Variants in SHANK2 observed in about 807,000 individuals in gnomAD.
The protein encoded by SHANK2 is SH3 and multiple ankyrin repeat domains protein 2.
Under a neutral mutation model 133.7 loss-of-function variants are expected in SHANK2, and 43 were observed. The observed-to-expected ratio is 0.32, with a 90% CI of 0.25 to 0.41. SHANK2 has a LOEUF of 0.41. SHANK2 is among the 10% of genes least tolerant of loss of function. The pLI is 1.00. For synonymous variants in SHANK2, 1,017 were observed against 952.8 expected, an observed-to-expected ratio of 1.07 and a Z score of -1.24; for missense variants, 1,994 against 2,235.8, an observed-to-expected ratio of 0.89 and a Z score of 2.18.
intron 14 of SHANK2, among the ~76,000 whole-genome samples, chr11:70,733,326 T>C (rs1404663226): frequency 6.6e-6 from 1 of 152,172 alleles, no homozygotes; most frequent in Non-Finnish European, 1.5e-5. Context: ...AGCAAGGAGT[T>C]GATTCATATT....
intron 17 of SHANK2, among the ~76,000 whole-genome samples, chr11:70,655,683 T>A (rs781989619): frequency 2.0e-5 from 3 of 152,110 alleles, no homozygotes; most frequent in Admixed American, 1.3e-4. Context: ...GAAACAACAT[T>A]TAGGTTGTCA....
intron 15 of SHANK2, among the ~76,000 whole-genome samples, chr11:70,696,995 T>C (rs550426347): frequency 3.4e-4 from 52 of 152,180 alleles, no homozygotes; most frequent in Non-Finnish European, 6.3e-4. Flanking sequence ...TTACGCTCAG[T>C]GAAAGAAGCC....
At chr11:70,650,219 T>C (rs921253968) in intron 17 of SHANK2, among the ~76,000 whole-genome samples, 4 of 152,186 alleles carry the variant, frequency 2.6e-5, no homozygotes, top group Non-Finnish European at 5.9e-5. Context: ...TGGCAGGACA[T>C]AGCAGATGCT....
At chr11:70,841,993 C>T (rs916103450) in intron 11 of SHANK2, among the ~76,000 whole-genome samples, 1 of 152,146 alleles carries the variant, frequency 6.6e-6, no homozygotes, top group Non-Finnish European at 1.5e-5. Flanking sequence ...TGGGACCTAA[C>T]TGCCCTTCTC....
Position 70,487,185 on chromosome 11 carries a change from C to T in SHANK2, c.3108G>A (p.Val1036=), listed in dbSNP as rs782203974. 2 of 1,613,566 alleles carry T rather than the reference C, an allele frequency of 1.2e-6. No homozygotes were observed. The highest frequency in any genetic ancestry group is 1.7e-5 in the Admixed American group (1 of 60,010). ...CGCTGCTGCTGGTGGACGGCTCCTT[C>T]ACGATGATGGTCGGGATAGGGATGG... ...TCSIPIPTII[V]KEPSTSSSGK... The change falls in exon 25 of 26, where the codon GTG becomes GTA. Residue 1036 remains valine (V), a synonymous_variant. Coordinates refer to ENST00000601538, the MANE Select transcript of SHANK2 (RefSeq NM_012309.5). This position sits in a 1 kb window ranked among gnomAD's most constrained non-coding sequence, Gnocchi z 5.8.
intron 10 of SHANK2, among the ~76,000 whole-genome samples, chr11:70,937,088 C>A (rs548833487): frequency 6.6e-6 from 1 of 152,294 alleles, no homozygotes; most frequent in South Asian, 2.1e-4. Context: ...CCCCAGTCCT[C>A]TGCGTGGAGT....
At chr11:70,549,277 C>A (rs1554977225) in intron 17 of SHANK2, among the ~76,000 whole-genome samples, 2 of 152,206 alleles carry the variant, frequency 1.3e-5, no homozygotes, top group East Asian at 3.9e-4. Flanking sequence ...GGATTCCACG[C>A]CGACTGAGCC....
At chr11:70,523,941 C>T (rs1342465788) in intron 17 of SHANK2, among the ~76,000 whole-genome samples, 2 of 152,162 alleles carry the variant, frequency 1.3e-5, no homozygotes, top group Non-Finnish European at 2.9e-5. Flanking sequence ...GGCTTCAAGG[C>T]CCCTGTCAGG....
chr11:71,129,859 C>T (rs1303423715), intron 3 of SHANK2, among the ~76,000 whole-genome samples: 5 of 152,294 alleles, frequency 3.3e-5, no homozygotes, highest in Non-Finnish European at 7.4e-5. Flanking sequence ...TGTGGCAAAG[C>T]ACCACAAAAC....
intron 17 of SHANK2, among the ~76,000 whole-genome samples, chr11:70,621,661 C>T (rs1348080797): frequency 2.0e-5 from 3 of 152,152 alleles, no homozygotes; most frequent in East Asian, 1.9e-4. Context: ...GATACGGTAG[C>T]CCCAGCCATG....
At chr11:70,730,416 A>AC (rs1440396192) in intron 14 of SHANK2, among the ~76,000 whole-genome samples, 1 of 151,382 alleles carries the variant, frequency 6.6e-6, no homozygotes, top group Non-Finnish European at 1.5e-5. Flanking sequence ...CCCAGGACTC[A>AC]CCCCCGAAGC....
intron 14 of SHANK2, among the ~76,000 whole-genome samples, chr11:70,764,544 C>T (rs1947076130): frequency 6.6e-6 from 1 of 150,790 alleles, no homozygotes; most frequent in South Asian, 2.1e-4. Context: ...CATCCACCCA[C>T]CCATCCATCC....
intron 11 of SHANK2, among the ~76,000 whole-genome samples, chr11:70,889,989 G>A (rs1441124850): frequency 1.3e-5 from 2 of 152,164 alleles, no homozygotes; most frequent in African/African-American, 4.8e-5. Flanking sequence ...CGGGTGTGGT[G>A]TGTGCTCCCA....
chr11:70,654,763 G>GTC (rs1555011081), intron 17 of SHANK2, among the ~76,000 whole-genome samples: 33 of 135,556 alleles, frequency 2.4e-4, no homozygotes, highest in African/African-American at 8.5e-4. Context: ...TTTTGTTTTT[G>GTC]TTTTTTTTGT....
chr11:71,123,645 G>A (rs1299549392), intron 3 of SHANK2, among the ~76,000 whole-genome samples: 3 of 152,196 alleles, frequency 2.0e-5, no homozygotes, highest in Non-Finnish European at 4.4e-5. Context: ...TCTCCTTGAG[G>A]AGAACAGTAT....
chr11:70,844,497 C>T (rs1199225127), intron 11 of SHANK2, among the ~76,000 whole-genome samples: 6 of 152,276 alleles, frequency 3.9e-5, no homozygotes, highest in Non-Finnish European at 7.3e-5. Flanking sequence ...GGTTTGGGGC[C>T]GCAGTGGAGG....
chr11:70,515,935 T>C (rs902841427), intron 17 of SHANK2, among the ~76,000 whole-genome samples: 8 of 152,220 alleles, frequency 5.3e-5, no homozygotes, highest in African/African-American at 4.8e-5. Context: ...AGCATATTAA[T>C]AATACATTTC....
Position 70,915,957 on chromosome 11 carries a change from C to T in SHANK2, c.1108-19390G>A, listed in dbSNP as rs561273265. ...GCGCAGGCCTGGCTGTCAGCAGACA[C>T]AGACATGGGTTTCTGGACACTACAC... On this transcript the variant is annotated intron_variant, in intron 10 of 25. Transcript: ENST00000601538. 1.1e-4 allele frequency among the ~76,000 whole-genome samples: 17 copies of T among 152,318 alleles called. No individual in the cohort carries two copies. In the South Asian group the frequency reaches 2.7e-3, roughly 24 times the overall value.
At chr11:71,125,995 G>A (rs549070918) in intron 3 of SHANK2, among the ~76,000 whole-genome samples, 6 of 151,940 alleles carry the variant, frequency 3.9e-5, no homozygotes, top group Admixed American at 1.3e-4. Context: ...CAAGGTGGGC[G>A]GATCATGAGG....
Sources: allele counts gnomAD v4.1 joint callset (sites outside exome capture counted in the v4.1 genomes callset), GRCh38; gene constraint gnomAD v4.1.1; non-coding constraint Gnocchi (gnomAD v3.1); transcripts MANE v1.5; gene names NCBI Gene and HGNC (gene_info 2026-07-23, HGNC 2026-07-21).